The following HDAC9 variants were observed in gnomAD, a reference collection of about 807,000 sequenced individuals.
The protein encoded by HDAC9 is histone deacetylase 9.
HDAC9 carries 41 observed loss-of-function variants against 139.4 expected under a neutral mutation model. The ratio of observed to expected loss-of-function variants is 0.29; its 90% CI spans 0.23 to 0.38. The LOEUF is 0.38. HDAC9 is among the 10% of genes least tolerant of loss of function. The pLI is 1.00. For missense variants in HDAC9, 1,147 were observed against 1,297.0 expected (o/e 0.88, Z 1.78); for synonymous variants, 517 against 476.2 (o/e 1.09, Z -1.12).
At chr7:18,761,967 C>G (rs1332610893) in intron 14 of HDAC9, among the ~76,000 whole-genome samples, 190 bp from the exon 15 acceptor site, 2 of 152,144 alleles carry the variant, frequency 1.3e-5, no homozygotes, top group African/African-American at 4.8e-5. Flanking sequence ...TATAAGCAAT[C>G]TGTTGGATCT....
intron 1 of HDAC9, among the ~76,000 whole-genome samples, chr7:18,138,527 G>GGTT (rs1785626730): frequency 7.0e-6 from 1 of 142,586 alleles, no homozygotes. Flanking sequence ...GAGAGAGAGA[G>GGTT]GTGTGTGTGT....
chr7:18,929,912 C>A (rs1444927891), intron 22 of HDAC9, among the ~76,000 whole-genome samples: 2 of 151,464 alleles, frequency 1.3e-5, no homozygotes, highest in Non-Finnish European at 2.9e-5. Flanking sequence ...GCACTCTAGC[C>A]CAGGTGACAC....
intron 2 of HDAC9, among the ~76,000 whole-genome samples, chr7:18,512,509 G>A (rs1563104307): frequency 2.0e-5 from 3 of 152,134 alleles, no homozygotes. Flanking sequence ...CTATGCTCAG[G>A]AATAGGAAGA....
At chr7:18,701,914 C>T (rs1043112770) in intron 12 of HDAC9, among the ~76,000 whole-genome samples, 74 of 152,216 alleles carry the variant, frequency 4.9e-4, no homozygotes, top group African/African-American at 1.7e-3. Context: ...GCAAAATCCT[C>T]CAGTTTTCTG....
chr7:18,982,665 G>A (rs145175532), intron 25 of HDAC9, among the ~76,000 whole-genome samples: 2 of 152,100 alleles, frequency 1.3e-5, no homozygotes, highest in East Asian at 1.9e-4. Flanking sequence ...GGTAACTACC[G>A]TTTTACTTTT....
At chr7:18,347,251 C>G (rs1782488032) in intron 1 of HDAC9, among the ~76,000 whole-genome samples, 1 of 152,064 alleles carries the variant, frequency 6.6e-6, no homozygotes, top group South Asian at 2.1e-4. Context: ...ATAAATTTTC[C>G]CACTCTTAGC....
At chr7:18,284,486 C>T (rs1323742286) in intron 2 of HDAC9, among the ~76,000 whole-genome samples, 1 of 152,126 alleles carries the variant, frequency 6.6e-6, no homozygotes, top group Non-Finnish European at 1.5e-5. Context: ...AAAGTAACTT[C>T]AGACAAGAAA....
rs59746761 is a variant in HDAC9 at position 18,717,431 on chromosome 7, CT to C, written c.1732-10132del. On this transcript the variant is annotated intron_variant, in intron 12 of 25. Transcript: ENST00000686413. ...CTCTTATGGATTGATTTACAATTTC[CT>C]TTTTTTTTTTTTTTTTGAGACGGAA... Among the ~76,000 whole-genome samples, 796 of 137,170 alleles carry C rather than the reference CT, an allele frequency of 5.8e-3. 5 individuals carry two copies. Among genetic ancestry groups the C allele is most frequent in the African/African-American group, 0.017 (599 of 35,744 alleles). The allele number at this position is 137,170 out of a possible 152,430, so 90.0% of individuals were successfully genotyped here.
At chr7:18,653,795 G>A (rs1055947257) in intron 11 of HDAC9, among the ~76,000 whole-genome samples, 2 of 152,104 alleles carry the variant, frequency 1.3e-5, no homozygotes, top group African/African-American at 4.8e-5. Flanking sequence ...TTTTGGAAGA[G>A]AATTTGACTG....
At chr7:18,617,362 A>G (rs892045750) in intron 6 of HDAC9, among the ~76,000 whole-genome samples, 1 of 152,106 alleles carries the variant, frequency 6.6e-6, no homozygotes, top group African/African-American at 2.4e-5. Context: ...TCCCCAGTCC[A>G]CTACCTCATA....
intron 17 of HDAC9, among the ~76,000 whole-genome samples, chr7:18,803,903 T>TA (rs1022570660): frequency 1.2e-4 from 19 of 152,168 alleles, no homozygotes; most frequent in South Asian, 8.3e-4. Context: ...TTAATTTATT[T>TA]AAAAAAAACA....
chr7:18,216,625 G>C (rs1375712225), intron 2 of HDAC9, among the ~76,000 whole-genome samples: 2 of 152,136 alleles, frequency 1.3e-5, no homozygotes, highest in Non-Finnish European at 2.9e-5. Context: ...TTGACCTATT[G>C]ATGTCGTAAC....
At chr7:18,944,243 C>G (rs981925952) in intron 23 of HDAC9, among the ~76,000 whole-genome samples, 9 of 152,138 alleles carry the variant, frequency 5.9e-5, no homozygotes, top group African/African-American at 2.2e-4. Flanking sequence ...TCCTCTTGGT[C>G]TTGATTATCA....
intron 12 of HDAC9, among the ~76,000 whole-genome samples, chr7:18,693,145 A>T (rs1048028221): frequency 2.0e-5 from 3 of 152,190 alleles, no homozygotes; most frequent in African/African-American, 7.2e-5. Flanking sequence ...AAACTAGATC[A>T]ACTTAGATAT....
chr7:18,092,827 G>T (rs1345705695), intron 1 of HDAC9, among the ~76,000 whole-genome samples: 1 of 152,166 alleles, frequency 6.6e-6, no homozygotes, highest in East Asian at 1.9e-4. Context: ...TTTATGAGTG[G>T]TAGTGATAAG....
intron 11 of HDAC9, among the ~76,000 whole-genome samples, chr7:18,651,817 G>A (rs1789373365): frequency 1.3e-5 from 2 of 152,220 alleles, no homozygotes; most frequent in South Asian, 2.1e-4. Flanking sequence ...TACAGTTACG[G>A]TGTAAGTGTT....
intron 14 of HDAC9, among the ~76,000 whole-genome samples, chr7:18,750,028 A>G (rs913712166): frequency 1.1e-4 from 16 of 152,204 alleles, no homozygotes; most frequent in African/African-American, 3.9e-4. Flanking sequence ...GTAGTCAACA[A>G]AATTCCTATT....
At chr7:18,608,565 C>A (rs1836191743) in intron 6 of HDAC9, among the ~76,000 whole-genome samples, 1 of 152,094 alleles carries the variant, frequency 6.6e-6, no homozygotes, top group Admixed American at 6.6e-5. Flanking sequence ...CTTCCCTTAT[C>A]TGTATTCTCA....
chr7:18,483,799 C>T (rs1407003675), intron 1 of HDAC9, among the ~76,000 whole-genome samples: 1 of 151,974 alleles, frequency 6.6e-6, no homozygotes, highest in African/African-American at 2.4e-5. Flanking sequence ...AATTTTATTA[C>T]CAGAAAGGCT....
Sources: gnomAD v4.1 joint callset for allele counts (sites outside exome capture counted in the v4.1 genomes callset) on GRCh38, gnomAD v4.1.1 for gene constraint, MANE v1.5 for transcripts, NCBI Gene and HGNC (gene_info 2026-07-23, HGNC 2026-07-21) for gene names.